RASGRF2: variants seen among roughly 807,000 people sequenced by gnomAD.
RASGRF2 encodes Ras protein specific guanine nucleotide releasing factor 2.
In RASGRF2, 76 loss-of-function variants were observed where a neutral mutation model predicts 151.0. The ratio of observed to expected loss-of-function variants is 0.50; its 90% confidence interval spans 0.42 to 0.61. RASGRF2 has a LOEUF of 0.61. RASGRF2 is among the 20% of genes least tolerant of loss of function. The probability of loss-of-function intolerance (pLI) is 0.00; values close to 1 mark genes in which losing one functional copy is unlikely to be tolerated. For missense variants in RASGRF2, 1,148 were observed against 1,564.6 expected (o/e 0.73, Z 4.49); for synonymous variants, 504 against 566.5 (o/e 0.89, Z 1.57).
chr5:81,208,185 G>A (rs1411371951), intron 21 of RASGRF2, among the ~76,000 whole-genome samples, 169 bp from the exon 22 acceptor site: 1 of 152,180 alleles, frequency 6.6e-6, no homozygotes, highest in Non-Finnish European at 1.5e-5. Flanking sequence ...GAGGTAAACT[G>A]CAACAGCCGA....
chr5:81,000,707 A>G (rs1018082494), intron 1 of RASGRF2, among the ~76,000 whole-genome samples: 1 of 152,180 alleles, frequency 6.6e-6, no homozygotes, highest in South Asian at 2.1e-4. Context: ...CTCTGATGGC[A>G]TGGGACTGGT....
chr5:81,020,611 T>C (rs576218506), intron 1 of RASGRF2, among the ~76,000 whole-genome samples: 1 of 152,124 alleles, frequency 6.6e-6, no homozygotes, highest in Middle Eastern at 3.4e-3. Context: ...TCTCAGCCAG[T>C]GTGAGAAAAG....
intron 1 of RASGRF2, among the ~76,000 whole-genome samples, chr5:80,970,839 T>TA (rs1223887720): frequency 6.6e-6 from 1 of 152,192 alleles, no homozygotes; most frequent in African/African-American, 2.4e-5. Context: ...TCAAGCTAGT[T>TA]AAGATTACTT....
intron 1 of RASGRF2, among the ~76,000 whole-genome samples, chr5:81,004,589 G>A (rs1749202916): frequency 1.3e-5 from 2 of 152,224 alleles, no homozygotes; most frequent in South Asian, 4.1e-4. Flanking sequence ...ACCATTTGAA[G>A]CAGATTCATT....
chr5:81,195,170 C>T (rs1755235970), intron 18 of RASGRF2, among the ~76,000 whole-genome samples: 1 of 152,226 alleles, frequency 6.6e-6, no homozygotes, highest in South Asian at 2.1e-4. Context: ...CATCCCTCCT[C>T]CAGGCCTGCG....
chr5:81,219,715 A>T lies in RASGRF2; in HGVS notation c.3558A>T (p.Ser1186=). Residue 1186 remains serine (S), a synonymous_variant, in exon 26 of 27, where the codon TCA becomes TCT. Transcript: ENST00000265080. ...TTTGTTTTTTTCTCTGTTAGATATC[A>T]CACATCATCAGAGAGATACGCCAGT... The part of the protein sequence containing the change: ...LVNFSKMRMI[S]HIIREIRQFQ... The T allele has an allele frequency of 4.4e-6, 7 of 1,608,588 alleles. No homozygotes were observed. The highest frequency in any genetic ancestry group is 5.1e-6 in the Non-Finnish European group (6 of 1,175,064).
At chr5:81,080,519 C>T in intron 6 of RASGRF2, 77 bp from the exon 7 acceptor site, 2 of 1,424,906 alleles carry the variant, frequency 1.4e-6, no homozygotes, top group African/African-American at 1.4e-5. Flanking sequence ...CTGGGACCCA[C>T]TCTTTGCCAT....
intron 7 of RASGRF2, among the ~76,000 whole-genome samples, chr5:81,085,015 AAAATG>A (rs1752189440): frequency 6.6e-6 from 1 of 152,216 alleles, no homozygotes. Flanking sequence ...CTCTATCTAT[AAAATG>A]GAGACATAAT....
At chr5:81,147,895 A>C in intron 17 of RASGRF2, among the ~76,000 whole-genome samples, 1 of 152,206 alleles carries the variant, frequency 6.6e-6, no homozygotes, top group East Asian at 1.9e-4. Flanking sequence ...TTCCTCTGCC[A>C]AAGTCAGTTC....
chr5:81,169,121 A>G (rs1329649217), intron 17 of RASGRF2, among the ~76,000 whole-genome samples: 3 of 152,218 alleles, frequency 2.0e-5, no homozygotes, highest in Non-Finnish European at 4.4e-5. Context: ...AGATGTCTAG[A>G]GGCATCTCAC....
intron 15 of RASGRF2, among the ~76,000 whole-genome samples, chr5:81,117,414 G>T (rs1753190080): frequency 6.6e-6 from 1 of 152,230 alleles, no homozygotes; most frequent in Non-Finnish European, 1.5e-5. Flanking sequence ...AGGAGAGGGG[G>T]CCAAACTTAG....
intron 1 of RASGRF2, among the ~76,000 whole-genome samples, chr5:81,014,164 C>A (rs1028648021): frequency 6.6e-6 from 1 of 152,068 alleles, no homozygotes; most frequent in African/African-American, 2.4e-5. Flanking sequence ...TGTAAAATTT[C>A]TCTTTTATGT....
chr5:81,103,660 G>A (rs551800679), intron 12 of RASGRF2, among the ~76,000 whole-genome samples: 1 of 152,148 alleles, frequency 6.6e-6, no homozygotes, highest in South Asian at 2.1e-4. Context: ...ACACGTCGAG[G>A]TAAAACTATG....
chr5:81,208,103 C>G (rs1254793839), intron 21 of RASGRF2, among the ~76,000 whole-genome samples: 1 of 152,112 alleles, frequency 6.6e-6, no homozygotes, highest in Non-Finnish European at 1.5e-5. Flanking sequence ...TTATAGGATC[C>G]TAATAGGGAC....
intron 2 of RASGRF2, among the ~76,000 whole-genome samples, chr5:81,047,120 G>A (rs889899494): frequency 6.6e-6 from 1 of 151,282 alleles, no homozygotes; most frequent in Non-Finnish European, 1.5e-5. Flanking sequence ...AAGAAATGAT[G>A]AATGAGGACA....
chr5:81,122,714 C>T lies in RASGRF2; in HGVS notation c.2471-928C>T, dbSNP rs534556561. Among the ~76,000 whole-genome samples, 5 of 152,208 alleles carry T rather than the reference C, an allele frequency of 3.3e-5. No individual in the cohort carries two copies. The South Asian group carries it at 8.3e-4, about 25-fold the overall frequency. On this transcript the variant is annotated intron_variant, in intron 15 of 26. Transcript: ENST00000265080. ...AAAAGCCCAAGAAGAATGGAAGAAT[C>T]GTTGGAAATGTATTACATTTTTGTG... is the stretch of plus-strand genomic sequence containing the variant.
chr5:81,150,749 AC>A lies in RASGRF2; in HGVS notation c.2686+23587del, dbSNP rs377192084. Among the ~76,000 whole-genome samples the A allele has an allele frequency of 3.5e-4, 53 of 152,376 alleles. No individual in the cohort carries two copies. In the South Asian group the frequency reaches 0.011, roughly 31 times the overall value. On this transcript the variant is annotated intron_variant, in intron 17 of 26. Coordinates refer to ENST00000265080, the MANE Select transcript of RASGRF2 (RefSeq NM_006909.3). Reference sequence around the variant, plus strand: ...AACTAAAAAGTTTAAATTTAAAAAAACATATACTAATGGTGTGGCATCCCAT... The same window carrying A: ...AACTAAAAAGTTTAAATTTAAAAAAAATATACTAATGGTGTGGCATCCCAT...
Position 81,198,342 on chromosome 5 carries a change from C to T in RASGRF2, c.2794-2988C>T, listed in dbSNP as rs535587921. On this transcript the variant is annotated intron_variant, in intron 18 of 26. Coordinates refer to ENST00000265080, the MANE Select transcript of RASGRF2 (RefSeq NM_006909.3). ...CCACGTGAACCGAAGATTTAGCTCCCACTTATAAGTGAAAACATGTGATAT... is the reference window on the plus strand; with the variant it reads ...CCACGTGAACCGAAGATTTAGCTCCTACTTATAAGTGAAAACATGTGATAT... Among the ~76,000 whole-genome samples, 66 of 152,276 alleles carry T rather than the reference C, an allele frequency of 4.3e-4. 1 individual carries two copies. Among genetic ancestry groups the T allele is most frequent in the Admixed American group, 4.3e-3 (65 of 15,288 alleles).
At chr5:81,134,111 A>G (rs248979) in intron 17 of RASGRF2, among the ~76,000 whole-genome samples, 1 of 142,728 alleles carries the variant, frequency 7.0e-6, no homozygotes, top group African/African-American at 3.0e-5. Flanking sequence ...TGTGTGTGTG[A>G]GTGAATATTT....
Sources: gnomAD v4.1 joint callset for allele counts (sites outside exome capture counted in the v4.1 genomes callset) on GRCh38, gnomAD v4.1.1 for gene constraint, MANE v1.5 for transcripts, NCBI Gene and HGNC (gene_info 2026-07-23, HGNC 2026-07-21) for gene names.